Variants in MTF2 observed in about 807,000 individuals in gnomAD.
MTF2 encodes the protein metal response element binding transcription factor 2.
Under a neutral mutation model 79.5 loss-of-function variants are expected in MTF2, and 11 were observed. That is an observed-to-expected ratio of 0.14 (90% CI 0.09 to 0.23). The LOEUF is 0.23. Ranked by LOEUF, MTF2 falls within the 10% of genes least tolerant of loss-of-function variation. The pLI, the probability that MTF2 is intolerant of heterozygous loss-of-function variation, is 1.00. For synonymous variants in MTF2, 208 were observed against 232.8 expected (o/e 0.89, Z 0.97); for missense variants, 486 against 711.2 (o/e 0.68, Z 3.60).
At chr1:93,097,763 AT>A (rs941383188) in intron 1 of MTF2, among the ~76,000 whole-genome samples, 1 of 151,624 alleles carries the variant, frequency 6.6e-6, no homozygotes. Flanking sequence ...ATGCTCAGTT[AT>A]TTTTTGTATT....
At chr1:93,090,682 G>A (rs1033077596) in intron 1 of MTF2, among the ~76,000 whole-genome samples, 2 of 68,888 alleles carry the variant, frequency 2.9e-5, no homozygotes, top group Admixed American at 3.5e-4. Flanking sequence ...TTTTTTTTTT[G>A]AGACGGAGTC....
chr1:93,137,081 C>G lies in MTF2; in HGVS notation c.*54C>G. The G allele has an allele frequency of 7.2e-7, 1 of 1,381,782 alleles. No homozygotes were observed. The highest frequency in any genetic ancestry group is 1.0e-6 in the Non-Finnish European group (1 of 993,870). The allele number at this position is 1,381,782 out of a possible 1,614,324, so 85.6% of individuals were successfully genotyped here. ...ACTCTGATTTTCTGTAGGTACAGTTCAAAGCCCTAAAGGAGTCTGGCTTTT... is the reference window on the plus strand; with the variant it reads ...ACTCTGATTTTCTGTAGGTACAGTTGAAAGCCCTAAAGGAGTCTGGCTTTT... On this transcript the variant is annotated 3_prime_UTR_variant, in exon 15 of 15. Coordinates refer to ENST00000370298, the MANE Select transcript of MTF2 (RefSeq NM_007358.4).
chr1:93,104,914 T>C (rs966727459), intron 1 of MTF2, among the ~76,000 whole-genome samples: 2 of 151,932 alleles, frequency 1.3e-5, no homozygotes, highest in African/African-American at 4.8e-5. Flanking sequence ...CCCAGCACTT[T>C]GGGAGGCCGA....
At chr1:93,110,048 T>C (rs1655967011) in intron 1 of MTF2, among the ~76,000 whole-genome samples, 182 bp from the exon 2 acceptor site, 1 of 152,220 alleles carries the variant, frequency 6.6e-6, no homozygotes, top group Non-Finnish European at 1.5e-5. Flanking sequence ...ATATTGAGAA[T>C]TGTTATCATT....
At chr1:93,097,513 T>A (rs189971209) in intron 1 of MTF2, among the ~76,000 whole-genome samples, 489 of 152,338 alleles carry the variant, frequency 3.2e-3, no homozygotes, top group Non-Finnish European at 5.6e-3. Context: ...TTGGAAAATA[T>A]AAAGTATGAA....
chr1:93,082,699 A>G (rs1052433076), intron 1 of MTF2, among the ~76,000 whole-genome samples: 3 of 152,234 alleles, frequency 2.0e-5, no homozygotes, highest in Non-Finnish European at 2.9e-5. Context: ...TTTATATACT[A>G]TAGTTATATG....
intron 6 of MTF2, 78 bp from the exon 7 acceptor site, chr1:93,118,267 T>C (rs1383297933): frequency 4.6e-6 from 4 of 869,138 alleles, no homozygotes; most frequent in East Asian, 5.6e-5. Flanking sequence ...GCCACTTTTT[T>C]TTTTTTTTTT....
At position 93,106,630 on chromosome 1, in the gene MTF2, C is replaced by T. The variant is rs1655801722; in HGVS notation, c.6-3600C>T. Among the ~76,000 whole-genome samples, 7 of 152,068 alleles carry T rather than the reference C, an allele frequency of 4.6e-5. No homozygotes were observed. The South Asian group carries it at 1.5e-3, about 32-fold the overall frequency. On this transcript the variant is annotated intron_variant, in intron 1 of 14. Transcript: ENST00000370298. ...CACCTCCTGGGTTCAAGACATTTTC[C>T]TGCCTCAGCCTGCCAGGTAGCTGGG... is the stretch of plus-strand genomic sequence containing the variant.
At chr1:93,093,146 C>T (rs1655140681) in intron 1 of MTF2, among the ~76,000 whole-genome samples, 1 of 151,022 alleles carries the variant, frequency 6.6e-6, no homozygotes, top group Non-Finnish European at 1.5e-5. Context: ...CACACCACTG[C>T]ACTCCAGTGT....
intron 8 of MTF2, chr1:93,119,734 G>A: frequency 5.5e-6 from 1 of 180,616 alleles, no homozygotes; most frequent in African/African-American, 2.3e-5. Context: ...GCTAATTTCT[G>A]CTTCAATGTA....
intron 1 of MTF2, among the ~76,000 whole-genome samples, chr1:93,103,501 T>A (rs1655634020): frequency 6.6e-6 from 1 of 151,574 alleles, no homozygotes; most frequent in Non-Finnish European, 1.5e-5. Flanking sequence ...GAATAATATA[T>A]ATAATGTCCT....
chr1:93,123,210 C>CTTTTT (rs749700655), intron 9 of MTF2, among the ~76,000 whole-genome samples: 11 of 94,188 alleles, frequency 1.2e-4, no homozygotes, highest in East Asian at 3.0e-4. Flanking sequence ...TCAGCTCTTT[C>CTTTTT]TTTTTTTTTT....
intron 11 of MTF2, among the ~76,000 whole-genome samples, chr1:93,130,720 C>G (rs540144440): frequency 2.0e-5 from 3 of 152,036 alleles, no homozygotes; most frequent in African/African-American, 7.2e-5. Context: ...TGGTAACACT[C>G]AAATGGAGAG....
chr1:93,097,560 T>A (rs1349771229), intron 1 of MTF2, among the ~76,000 whole-genome samples: 1 of 152,140 alleles, frequency 6.6e-6, no homozygotes, highest in Non-Finnish European at 1.5e-5. Context: ...CCAGGGATGT[T>A]TTAAAATTCC....
At chr1:93,111,794 T>A (rs1404887218) in intron 3 of MTF2, among the ~76,000 whole-genome samples, 1 of 152,160 alleles carries the variant, frequency 6.6e-6, no homozygotes, top group Non-Finnish European at 1.5e-5. Flanking sequence ...TGAGCAGATC[T>A]TACTACCCTG....
At chr1:93,109,836 A>G (rs1655959541) in intron 1 of MTF2, among the ~76,000 whole-genome samples, 3 of 152,204 alleles carry the variant, frequency 2.0e-5, no homozygotes, top group African/African-American at 7.2e-5. Flanking sequence ...TCTTAACTGC[A>G]TGTGGCATAA....
At chr1:93,080,973 A>G (rs921225395) in intron 1 of MTF2, 1 of 152,174 alleles carries the variant, frequency 6.6e-6, no homozygotes, top group African/African-American at 2.4e-5. Context: ...AGATTCCTAA[A>G]TATAAAAATG....
chr1:93,124,638 T>C (rs1452786506), intron 9 of MTF2, among the ~76,000 whole-genome samples: 1 of 152,034 alleles, frequency 6.6e-6, no homozygotes, highest in Non-Finnish European at 1.5e-5. Context: ...GTGGAAATTA[T>C]AAGAAATCTG....
At chr1:93,086,948 T>C (rs1469010106) in intron 1 of MTF2, among the ~76,000 whole-genome samples, 2 of 152,190 alleles carry the variant, frequency 1.3e-5, no homozygotes, top group African/African-American at 4.8e-5. Flanking sequence ...GTCTTGGGGA[T>C]GAGACCCAAG....
Sources: allele counts gnomAD v4.1 joint callset (sites outside exome capture counted in the v4.1 genomes callset), GRCh38; gene constraint gnomAD v4.1.1; transcripts MANE v1.5; gene names NCBI Gene and HGNC (gene_info 2026-07-23, HGNC 2026-07-21).